The following SP100 variants were observed in gnomAD, a reference collection of about 807,000 sequenced individuals.
SP100 encodes the protein SP100 nuclear body protein.
In SP100, 84 loss-of-function variants were observed where a neutral mutation model predicts 130.0. That is an observed-to-expected ratio of 0.65 (90% confidence interval 0.54 to 0.77). The LOEUF is 0.77. Among genes scored for constraint, SP100 ranks in the 30% least tolerant of loss-of-function variants. The pLI, the probability that SP100 is intolerant of heterozygous loss-of-function variation, is 0.00. For missense variants in SP100, 978 were observed against 1,052.2 expected (o/e 0.93, Z 0.97); for synonymous variants, 331 against 351.7 (o/e 0.94, Z 0.66).
At chr2:230,438,648 TACACACACACACACACAC>T (rs796889943) in intron 2 of SP100, among the ~76,000 whole-genome samples, 1 of 127,402 alleles carries the variant, frequency 7.8e-6, no homozygotes, top group African/African-American at 3.0e-5. Flanking sequence ...TGTATATATA[TACACACACACACACACAC>T]ACACACACAC....
At chr2:230,482,709 T>C (rs2065890450) in intron 17 of SP100, among the ~76,000 whole-genome samples, 1 of 151,858 alleles carries the variant, frequency 6.6e-6, no homozygotes, top group Non-Finnish European at 1.5e-5. Flanking sequence ...TATATATATA[T>C]ATAGGGTTTA....
intron 9 of SP100, among the ~76,000 whole-genome samples, chr2:230,461,620 AGG>A (rs1389511241): frequency 6.6e-6 from 1 of 152,036 alleles, no homozygotes; most frequent in Non-Finnish European, 1.5e-5. Context: ...ACAGAAATGG[AGG>A]TAATCAGTAA....
At position 230,446,869 on chromosome 2, in the gene SP100, G is replaced by A. The variant is rs1241577912; in HGVS notation, c.490G>A (p.Glu164Lys). 7.4e-6 allele frequency: 12 copies of A among 1,612,036 alleles called. No individual in the cohort carries two copies. The highest frequency in any genetic ancestry group is 9.3e-6 in the Non-Finnish European group (11 of 1,178,526). The part of the protein sequence containing the change: ...LQESEEEERE[E>K]RSGLQLSLEQ... ...AGAAAGTGAAGAAGAAGAGAGGGAG[G>A]AGAGGTCTGGCCTCCAACTAAGTCT... is the stretch of plus-strand genomic sequence containing the variant. The change falls in exon 5 of 29, where the codon GAG becomes AAG. Residue 164 changes from glutamate to lysine, a missense_variant. Physicochemically the swap from Glu to Lys is moderately conservative, Grantham distance 56. Transcript: ENST00000340126.
intron 24 of SP100, among the ~76,000 whole-genome samples, chr2:230,520,217 ACTG>A (rs1167006096): frequency 6.6e-6 from 1 of 152,118 alleles, no homozygotes; most frequent in African/African-American, 2.4e-5. Flanking sequence ...TTCCTATGAG[ACTG>A]CTCCATGTTG....
chr2:230,448,066 C>G (rs1277695204), intron 5 of SP100, among the ~76,000 whole-genome samples: 2 of 152,112 alleles, frequency 1.3e-5, no homozygotes, highest in East Asian at 3.9e-4. Flanking sequence ...GAGCTCTGGC[C>G]AGGAGCAGGG....
chr2:230,542,074 C>T (rs369245498), intron 28 of SP100, 39 bp downstream of exon 28: 442 of 1,603,502 alleles, frequency 2.8e-4, no homozygotes, highest in Non-Finnish European at 3.5e-4. Flanking sequence ...CTTTCAATTA[C>T]ATCACTTTAA....
chr2:230,539,233 C>G, intron 24 of SP100, 34 bp from the exon 25 acceptor site: 2 of 1,402,458 alleles, frequency 1.4e-6, no homozygotes, highest in Non-Finnish European at 2.0e-6. Flanking sequence ...AAGGGTCTCA[C>G]TGATCCCGGT....
chr2:230,541,232 T>C, intron 26 of SP100, 69 bp from the exon 27 acceptor site: 1 of 1,457,126 alleles, frequency 6.9e-7, no homozygotes, highest in Admixed American at 1.7e-5. Context: ...GTGTGTTCTC[T>C]TTGGGCAAGC....
chr2:230,438,433 C>T (rs916065952), intron 2 of SP100, among the ~76,000 whole-genome samples: 3 of 152,020 alleles, frequency 2.0e-5, no homozygotes, highest in African/African-American at 7.3e-5. Flanking sequence ...CCCCTCCCAC[C>T]CTTTCCCCTG....
intron 24 of SP100, among the ~76,000 whole-genome samples, chr2:230,537,262 AC>A (rs796716619): frequency 6.6e-5 from 10 of 152,308 alleles, no homozygotes; most frequent in African/African-American, 2.4e-4. Context: ...CTGTCTCAAA[AC>A]AAAAATGCCA....
chr2:230,530,805 C>A (rs1262130692), intron 24 of SP100, among the ~76,000 whole-genome samples: 1 of 152,080 alleles, frequency 6.6e-6, no homozygotes, highest in Non-Finnish European at 1.5e-5. Flanking sequence ...ATGCAGCCAA[C>A]AAACATGAAA....
intron 17 of SP100, among the ~76,000 whole-genome samples, chr2:230,476,818 A>G (rs749476608): frequency 6.6e-6 from 1 of 152,066 alleles, no homozygotes; most frequent in African/African-American, 2.4e-5. Flanking sequence ...TTTCTTCTTC[A>G]TAAAACTCTT....
rs778340093 is a variant in SP100 at position 230,494,464 on chromosome 2, A to T, written c.1645+4A>T. 1 of 1,604,624 alleles carries T rather than the reference A, an allele frequency of 6.2e-7. No homozygotes were observed. The highest frequency in any genetic ancestry group is 8.5e-7 in the Non-Finnish European group (1 of 1,171,534). ...AAAGTAAATGGTCTCCAAAGAGGTAAGAAGAAATGTGGGGATTTACTCCTT... is the reference window on the plus strand; with the variant it reads ...AAAGTAAATGGTCTCCAAAGAGGTATGAAGAAATGTGGGGATTTACTCCTT... On this transcript the variant is annotated splice_donor_region_variant and intron_variant, in intron 18 of 28. Coordinates refer to ENST00000340126, the MANE Select transcript of SP100 (RefSeq NM_001080391.2).
rs57619257 is a variant in SP100, at chr2:230,506,782, T to TAC, written c.2013+379_2013+380dup. 1,482 of 181,506 alleles carry TAC rather than the reference T, an allele frequency of 8.2e-3. 15 individuals carry two copies. The highest frequency in any genetic ancestry group is 0.015 in the East Asian group (105 of 7,038). 11.2% of individuals were successfully genotyped at this position (181,506 alleles called of 1,614,324 possible). ...ATTTTCGGGGGAGGTAAATGTTAAA[T>TAC]ACACACACACACACACACACACACA... On this transcript the variant is annotated intron_variant, in intron 22 of 28. Transcript: ENST00000340126.
intron 2 of SP100, among the ~76,000 whole-genome samples, chr2:230,436,686 T>C (rs748075649): frequency 6.6e-6 from 1 of 152,238 alleles, no homozygotes; most frequent in Non-Finnish European, 1.5e-5. Context: ...AATGGACTAA[T>C]ATATACTCCT....
intron 8 of SP100, among the ~76,000 whole-genome samples, chr2:230,459,445 A>G (rs2064465481): frequency 6.6e-6 from 1 of 152,142 alleles, no homozygotes; most frequent in South Asian, 2.1e-4. Context: ...CTTCCTCTCC[A>G]TGGCTCAATC....
chr2:230,493,579 T>C (rs541062893), intron 17 of SP100, among the ~76,000 whole-genome samples: 9 of 152,330 alleles, frequency 5.9e-5, no homozygotes, highest in African/African-American at 2.2e-4. Context: ...TTCTGTAATC[T>C]ATGTCCTTCA....
chr2:230,483,778 T>G (rs1368512679), intron 17 of SP100, among the ~76,000 whole-genome samples: 2 of 152,210 alleles, frequency 1.3e-5, no homozygotes, highest in African/African-American at 4.8e-5. Context: ...TTATTCCTGA[T>G]AGTTATATTC....
At chr2:230,496,138 T>C (rs1226151558) in intron 18 of SP100, among the ~76,000 whole-genome samples, 1 of 152,220 alleles carries the variant, frequency 6.6e-6, no homozygotes, top group Non-Finnish European at 1.5e-5. Context: ...CTGGTTTCTA[T>C]AGAAGCCTCT....
Sources: allele counts gnomAD v4.1 joint callset (sites outside exome capture counted in the v4.1 genomes callset), GRCh38; gene constraint gnomAD v4.1.1; transcripts MANE v1.5; gene names NCBI Gene and HGNC (gene_info 2026-07-23, HGNC 2026-07-21).